The following TENM3 variants were observed in gnomAD, a reference collection of about 807,000 sequenced individuals.
TENM3 encodes the protein teneurin transmembrane protein 3.
TENM3 carries 63 observed loss-of-function variants against 255.1 expected under a neutral mutation model. The ratio of observed to expected loss-of-function variants is 0.25; its 90% CI spans 0.20 to 0.30. The LOEUF (loss-of-function observed/expected upper bound fraction) is 0.30, where lower values mean the gene tolerates loss of function less well. TENM3 is among the 10% of genes least tolerant of loss of function. The probability of loss-of-function intolerance (pLI) is 1.00; values close to 1 mark genes in which losing one functional copy is unlikely to be tolerated. For missense variants in TENM3, 2,929 were observed against 3,461.1 expected, an observed-to-expected ratio of 0.85 and a Z score of 3.86; for synonymous variants, 1,306 against 1,322.3, an observed-to-expected ratio of 0.99 and a Z score of 0.27.
chr4:181,969,832 G>T, the TENM3 span, among the ~76,000 whole-genome samples: 1 of 152,166 alleles, frequency 6.6e-6, no homozygotes, highest in African/African-American at 2.4e-5. Context: ...CATTTTGCAA[G>T]TTTGGATACC....
At chr4:181,515,050 A>C in the TENM3 span, among the ~76,000 whole-genome samples, 1 of 152,242 alleles carries the variant, frequency 6.6e-6, no homozygotes, top group Non-Finnish European at 1.5e-5. Context: ...TTTTGGTTAA[A>C]GACAATCTTC....
the TENM3 span, among the ~76,000 whole-genome samples, chr4:181,957,132 A>C: frequency 6.6e-6 from 1 of 152,204 alleles, no homozygotes; most frequent in Non-Finnish European, 1.5e-5. Context: ...CACATGCTGC[A>C]TTATGAATGT....
At chr4:182,667,210 A>G (rs542963220) in intron 6 of TENM3, among the ~76,000 whole-genome samples, 70 of 117,206 alleles carry the variant, frequency 6.0e-4, no homozygotes, top group African/African-American at 2.0e-3. Flanking sequence ...TTTTGTTTTG[A>G]GATGGAGTCT....
the TENM3 span, among the ~76,000 whole-genome samples, chr4:181,919,818 G>C: frequency 6.6e-6 from 1 of 151,104 alleles, no homozygotes; most frequent in African/African-American, 2.4e-5. Context: ...GTGCCATGCT[G>C]GTGTGCTGCA....
the TENM3 span, among the ~76,000 whole-genome samples, chr4:181,683,996 A>G: frequency 6.6e-6 from 1 of 152,156 alleles, no homozygotes; most frequent in Non-Finnish European, 1.5e-5. Flanking sequence ...AATACCCACC[A>G]CGGGGAAGCA....
rs77431538 is a variant in TENM3 at position 182,581,881 on chromosome 4, C to T, written c.512-19043C>T. On this transcript the variant is annotated intron_variant, in intron 3 of 27. Coordinates refer to ENST00000511685, the MANE Select transcript of TENM3 (RefSeq NM_001080477.4). ...TCTAGAGTCTTGTCATTTTTTAAGT[C>T]ATTGCTTTTAGAGATTTTTTTAACC... Among the ~76,000 whole-genome samples, 50 of 152,204 alleles carry T rather than the reference C, an allele frequency of 3.3e-4. 1 individual carries two copies. In the East Asian group the frequency reaches 9.7e-3, roughly 29 times the overall value.
At chr4:181,634,846 T>C in the TENM3 span, among the ~76,000 whole-genome samples, 2 of 152,196 alleles carry the variant, frequency 1.3e-5, no homozygotes, top group Non-Finnish European at 2.9e-5. Flanking sequence ...CATTTTTCAT[T>C]TTAGTTTTTG....
the TENM3 span, chr4:181,522,648 GT>G: frequency 1.7e-6 from 1 of 590,994 alleles, no homozygotes. Flanking sequence ...TGTAGCCATA[GT>G]TTTCAGAACC....
chr4:182,738,638 T>A, intron 18 of TENM3, 94 bp downstream of exon 18: 1 of 1,027,874 alleles, frequency 9.7e-7, no homozygotes, highest in Non-Finnish European at 1.4e-6. Context: ...TGTAGCAACA[T>A]TTTATGCTAT....
intron 1 of TENM3, among the ~76,000 whole-genome samples, chr4:182,227,489 G>A (rs1019189240): frequency 2.6e-5 from 4 of 152,104 alleles, no homozygotes; most frequent in Non-Finnish European, 4.4e-5. Context: ...TGAGAGTTCC[G>A]TGATCTTTCC....
intron 1 of TENM3, among the ~76,000 whole-genome samples, chr4:182,320,284 G>A (rs141647592): frequency 6.6e-6 from 1 of 152,204 alleles, no homozygotes. Flanking sequence ...TGGTGGCTTA[G>A]AACAACAGGA....
At chr4:181,511,309 G>A in the TENM3 span, among the ~76,000 whole-genome samples, 1 of 152,166 alleles carries the variant, frequency 6.6e-6, no homozygotes, top group Non-Finnish European at 1.5e-5. Flanking sequence ...GCAGCCATAG[G>A]CAGACATTTG....
chr4:182,122,972 T>C, the TENM3 span, among the ~76,000 whole-genome samples: 1 of 152,130 alleles, frequency 6.6e-6, no homozygotes, highest in African/African-American at 2.4e-5. Context: ...TTTCACCTGG[T>C]ACTTCTATGT....
chr4:181,522,885 A>T, the TENM3 span: 1 of 977,594 alleles, frequency 1.0e-6, no homozygotes, highest in Non-Finnish European at 1.6e-6. Context: ...TGTGGTTGTG[A>T]TGATAGCAGT....
At chr4:182,071,996 T>G in the TENM3 span, among the ~76,000 whole-genome samples, 1 of 152,268 alleles carries the variant, frequency 6.6e-6, no homozygotes, top group African/African-American at 2.4e-5. Context: ...GCCAACACAT[T>G]GCGGAGAAAT....
the TENM3 span, among the ~76,000 whole-genome samples, chr4:181,673,845 G>GGTGTGTGTGT: frequency 1.2e-4 from 17 of 137,430 alleles, no homozygotes; most frequent in African/African-American, 3.7e-4. Context: ...AGAAGTGTGT[G>GGTGTGTGTGT]GTGTGTGTGT....
the TENM3 span, among the ~76,000 whole-genome samples, chr4:181,920,195 C>T: frequency 7.2e-4 from 110 of 152,036 alleles, no homozygotes; most frequent in African/African-American, 2.3e-3. Context: ...AATAAACATA[C>T]GTGTGCATAT....
chr4:181,957,998 A>G, the TENM3 span, among the ~76,000 whole-genome samples: 1 of 152,182 alleles, frequency 6.6e-6, no homozygotes, highest in Non-Finnish European at 1.5e-5. Flanking sequence ...AATTTTTCCT[A>G]TCATATTATG....
At chr4:182,317,098 C>T (rs952345536) in intron 1 of TENM3, among the ~76,000 whole-genome samples, 12 of 152,158 alleles carry the variant, frequency 7.9e-5, no homozygotes, top group Non-Finnish European at 1.3e-4. Flanking sequence ...TGGCTGGAAG[C>T]AAAAGGTGGC....
Sources: allele counts gnomAD v4.1 joint callset (sites outside exome capture counted in the v4.1 genomes callset), GRCh38; gene constraint gnomAD v4.1.1; transcripts MANE v1.5; gene names NCBI Gene and HGNC (gene_info 2026-07-23, HGNC 2026-07-21).